Variants in TP63 observed in about 807,000 individuals in gnomAD.
The protein encoded by TP63 is tumor protein 63.
A neutral mutation model predicts 82.8 loss-of-function variants in TP63; 17 were observed. The observed-to-expected ratio is 0.21, with a 90% CI of 0.14 to 0.31. TP63 has a LOEUF of 0.31. TP63 is among the 10% of genes least tolerant of loss of function. The probability of loss-of-function intolerance (pLI) is 1.00; values close to 1 mark genes in which losing one functional copy is unlikely to be tolerated. For synonymous variants in TP63, 330 were observed against 321.7 expected (o/e 1.03, Z -0.28); for missense variants, 648 against 895.3 (o/e 0.72, Z 3.52).
intron 3 of TP63, among the ~76,000 whole-genome samples, chr3:189,764,200 C>G (rs1193042344): frequency 6.6e-6 from 1 of 152,110 alleles, no homozygotes; most frequent in African/African-American, 2.4e-5. Flanking sequence ...TTTTCTGTCC[C>G]AATATCCATT....
chr3:189,600,636 C>G, the TP63 span, among the ~76,000 whole-genome samples: 2 of 152,098 alleles, frequency 1.3e-5, no homozygotes, highest in African/African-American at 4.8e-5. Flanking sequence ...ACTGTTTCTC[C>G]CTGCTTTAGA....
At chr3:189,652,624 C>T (rs56310892) in intron 1 of TP63, among the ~76,000 whole-genome samples, 11,577 of 146,332 alleles carry the variant, frequency 0.079, 1,370 homozygotes, top group Non-Finnish European at 0.11. Context: ...ATTGTAAGAA[C>T]ATGAGATTTT....
chr3:189,705,059 T>A (rs1224420395), intron 1 of TP63, among the ~76,000 whole-genome samples: 1 of 152,228 alleles, frequency 6.6e-6, no homozygotes, highest in East Asian at 1.9e-4. Flanking sequence ...TCTTCAATAT[T>A]TTTTACCTAT....
At position 189,896,219 on chromosome 3, in the gene TP63, A is replaced by T. The variant is rs981051532; in HGVS notation, c.*1717A>T. On this transcript the variant is annotated 3_prime_UTR_variant, in exon 14 of 14. Coordinates refer to ENST00000264731, the MANE Select transcript of TP63 (RefSeq NM_003722.5). ...AAGGGCCAGCGTGGCTCTAAAAGGT[A>T]ATGTGTGGATTGCCTCTGAAAAGTG... 2 of 220,930 alleles carry T rather than the reference A, an allele frequency of 9.1e-6. No individual in the cohort carries two copies. Among genetic ancestry groups the T allele is most frequent in the African/African-American group, 4.5e-5 (2 of 44,624 alleles). 13.7% of individuals were successfully genotyped at this position (220,930 alleles called of 1,614,324 possible).
chr3:189,838,644 A>G (rs771158492), intron 4 of TP63, among the ~76,000 whole-genome samples: 2 of 152,150 alleles, frequency 1.3e-5, no homozygotes, highest in Non-Finnish European at 2.9e-5. Context: ...ACGGTACCTA[A>G]TTATCAACGA....
At chr3:189,816,436 A>G (rs1330665703) in intron 4 of TP63, among the ~76,000 whole-genome samples, 1 of 152,166 alleles carries the variant, frequency 6.6e-6, no homozygotes, top group Non-Finnish European at 1.5e-5. Flanking sequence ...GACCAAGTCT[A>G]TGCAATTGTT....
At chr3:189,643,825 TA>T (rs986032101) in intron 1 of TP63, among the ~76,000 whole-genome samples, 1 of 152,196 alleles carries the variant, frequency 6.6e-6, no homozygotes, top group Admixed American at 6.5e-5. Flanking sequence ...GAAACTATCA[TA>T]TTTTTTAGAC....
intron 1 of TP63, among the ~76,000 whole-genome samples, chr3:189,653,405 A>G (rs944348300): frequency 2.0e-5 from 3 of 152,202 alleles, no homozygotes; most frequent in Non-Finnish European, 2.9e-5. Flanking sequence ...AAATTAATCC[A>G]TCTGTTTGAT....
At chr3:189,620,529 A>C in the TP63 span, among the ~76,000 whole-genome samples, 1 of 148,816 alleles carries the variant, frequency 6.7e-6, no homozygotes, top group African/African-American at 2.5e-5. Flanking sequence ...AAAAAAAAAA[A>C]CCTCTCTCTG....
chr3:189,661,855 T>C (rs1394391424), intron 1 of TP63, among the ~76,000 whole-genome samples: 2 of 152,096 alleles, frequency 1.3e-5, no homozygotes, highest in Non-Finnish European at 2.9e-5. Flanking sequence ...TTTGTGTGAA[T>C]AGATATGTTT....
chr3:189,875,611 T>TATATATATATATATATACACACAC (rs1553859679), intron 10 of TP63, among the ~76,000 whole-genome samples: 5 of 77,038 alleles, frequency 6.5e-5, no homozygotes, highest in Non-Finnish European at 1.1e-4. Context: ...TATATATATA[T>TATATATATATATATATACACACAC]ATATATATAT....
At chr3:189,857,995 G>T (rs1020456428) in intron 4 of TP63, among the ~76,000 whole-genome samples, 1 of 152,066 alleles carries the variant, frequency 6.6e-6, no homozygotes, top group African/African-American at 2.4e-5. Context: ...TTATCCAAAG[G>T]GAATAAAATC....
At chr3:189,676,255 T>C (rs1277864023) in intron 1 of TP63, among the ~76,000 whole-genome samples, 1 of 152,114 alleles carries the variant, frequency 6.6e-6, no homozygotes, top group East Asian at 1.9e-4. Context: ...ACATTAAGTC[T>C]CTGGAATTTA....
chr3:189,867,796 C>T (rs576308802), intron 6 of TP63, 37 bp from the exon 7 acceptor site: 1 of 1,574,446 alleles, frequency 6.4e-7, no homozygotes, highest in Non-Finnish European at 8.7e-7. Context: ...TCAGTTTAAA[C>T]CCTTGTTAAC....
chr3:189,773,494 C>T (rs114299108), intron 3 of TP63, among the ~76,000 whole-genome samples: 2,127 of 152,266 alleles, frequency 0.014, 29 homozygotes, highest in Middle Eastern at 0.02. Context: ...TTAATTCACA[C>T]AAAGAGAGTA....
intron 1 of TP63, among the ~76,000 whole-genome samples, chr3:189,657,818 T>C (rs1053021184): frequency 6.6e-6 from 1 of 152,140 alleles, no homozygotes; most frequent in African/African-American, 2.4e-5. Context: ...TTGTATACTT[T>C]CATATTTCCT....
At chr3:189,749,187 A>T (rs181363777) in intron 3 of TP63, among the ~76,000 whole-genome samples, 53 of 152,266 alleles carry the variant, frequency 3.5e-4, no homozygotes, top group African/African-American at 1.3e-3. Context: ...TTTAAACTAA[A>T]AATGGGGCTA....
At chr3:189,787,919 A>C (rs1724744286) in intron 3 of TP63, among the ~76,000 whole-genome samples, 1 of 151,978 alleles carries the variant, frequency 6.6e-6, no homozygotes, top group Non-Finnish European at 1.5e-5. Context: ...TGTTTTTAAA[A>C]AGCACCCTGG....
rs201706554 is a variant in TP63, at chr3:189,868,689, A to G, written c.1102A>G (p.Thr368Ala). ...CAGAAAGCAGCAAGTTTCGGACAGT[A>G]CAAAGAACGGTGATGGTACGAAGCG... The part of the protein sequence containing the change: ...SIRKQQVSDS[T>A]KNGDGTKRPF... Residue 368 changes from threonine to alanine, a missense_variant, in exon 8 of 14, where the codon ACA becomes GCA. By Grantham distance (58) the Thr-to-Ala change is moderately conservative. Coordinates refer to ENST00000264731, the MANE Select transcript of TP63 (RefSeq NM_003722.5). The G allele has an allele frequency of 2.5e-5, 41 of 1,614,116 alleles. No homozygotes were observed. The highest frequency in any genetic ancestry group is 8.5e-7 in the Non-Finnish European group (1 of 1,179,982).
Sources: gnomAD v4.1 joint callset for allele counts (sites outside exome capture counted in the v4.1 genomes callset) on GRCh38, gnomAD v4.1.1 for gene constraint, MANE v1.5 for transcripts, NCBI Gene and HGNC (gene_info 2026-07-23, HGNC 2026-07-21) for gene names.